Variants in NTM observed in about 807,000 individuals in gnomAD.
NTM encodes the protein neurotrimin, also known as IgLON family member 2.
NTM carries 13 observed loss-of-function variants against 42.1 expected under a neutral mutation model. The observed-to-expected ratio is 0.31, with a 90% CI of 0.20 to 0.49. The LOEUF (loss-of-function observed/expected upper bound fraction) is 0.49. Ranked by LOEUF, NTM falls within the 20% of genes least tolerant of loss-of-function variation. The pLI is 0.99. For missense variants in NTM, 373 were observed against 452.8 expected (o/e 0.82, Z 1.60); for synonymous variants, 187 against 179.2 (o/e 1.04, Z -0.35).
intron 2 of NTM, among the ~76,000 whole-genome samples, chr11:131,993,555 T>C (rs2067402611): frequency 2.0e-5 from 3 of 152,158 alleles, no homozygotes; most frequent in African/African-American, 7.2e-5. Flanking sequence ...CTAAAGATAA[T>C]GCTTTTGTAA....
chr11:131,960,572 G>A (rs969816109), intron 2 of NTM, among the ~76,000 whole-genome samples: 2 of 152,188 alleles, frequency 1.3e-5, no homozygotes, highest in Admixed American at 1.3e-4. Flanking sequence ...TAGGTTAAGG[G>A]GAATCGTGAT....
intron 1 of NTM, among the ~76,000 whole-genome samples, chr11:131,613,814 C>T (rs939637208): frequency 5.3e-5 from 8 of 152,118 alleles, no homozygotes; most frequent in Non-Finnish European, 8.8e-5. Context: ...TTATGCCCCA[C>T]TCTCCTAAAG....
At chr11:132,034,461 G>A (rs1350419161) in intron 2 of NTM, among the ~76,000 whole-genome samples, 1 of 152,198 alleles carries the variant, frequency 6.6e-6, no homozygotes, top group Non-Finnish European at 1.5e-5. Context: ...CAGGATGTTG[G>A]AGATCTGTGG....
At chr11:131,578,925 T>G (rs1017426268) in intron 1 of NTM, among the ~76,000 whole-genome samples, 1 of 152,114 alleles carries the variant, frequency 6.6e-6, no homozygotes, top group African/African-American at 2.4e-5. Flanking sequence ...CCTGGAAGCT[T>G]AGCAAGATAG....
At chr11:131,909,517 C>T (rs56117617) in intron 1 of NTM, among the ~76,000 whole-genome samples, 19,414 of 152,150 alleles carry the variant, frequency 0.13, 1,333 homozygotes, top group African/African-American at 0.15. Flanking sequence ...AGGGGAAAAA[C>T]AAAGCCACTG....
At chr11:131,554,545 CAAAAA>C (rs1178033877) in intron 1 of NTM, among the ~76,000 whole-genome samples, 102 of 106,970 alleles carry the variant, frequency 9.5e-4, no homozygotes, top group African/African-American at 2.7e-3. Flanking sequence ...CACACATCTA[CAAAAA>C]AAAAAAAAAA....
At chr11:131,824,901 A>C (rs2041948150) in intron 1 of NTM, among the ~76,000 whole-genome samples, 1 of 152,226 alleles carries the variant, frequency 6.6e-6, no homozygotes, top group African/African-American at 2.4e-5. Context: ...AAGGAAGGCC[A>C]GTACAGCTGT....
intron 4 of NTM, among the ~76,000 whole-genome samples, chr11:132,282,741 G>T (rs1394063278): frequency 6.6e-6 from 1 of 152,044 alleles, no homozygotes; most frequent in Non-Finnish European, 1.5e-5. Context: ...GTGATAAATT[G>T]AATATTTAGC....
intron 1 of NTM, among the ~76,000 whole-genome samples, chr11:131,421,755 C>A (rs1312071449): frequency 1.3e-5 from 2 of 152,190 alleles, no homozygotes; most frequent in Non-Finnish European, 1.5e-5. Flanking sequence ...TTAAGAACTA[C>A]CCACCTTAGC....
rs1491320001 is a variant in NTM at position 132,275,749 on chromosome 11, T to TATATATACGTATATATATAC, written c.527-31940_527-31939insATATATACGTATATATATAC. Among the ~76,000 whole-genome samples, 108 of 20,644 alleles carry TATATATACGTATATATATAC rather than the reference T, an allele frequency of 5.2e-3. 1 individual carries two copies. Among genetic ancestry groups the TATATATACGTATATATATAC allele is most frequent in the African/African-American group, 0.011 (52 of 4,720 alleles). The allele number at this position is 20,644 out of a possible 152,430, so 13.5% of individuals were successfully genotyped here. On this transcript the variant is annotated intron_variant, in intron 4 of 8. Coordinates refer to ENST00000683400, the MANE Select transcript of NTM (RefSeq NM_001352005.2). ...ACGTATATATACGTATATATATATG[T>TATATATACGTATATATATAC]GTATATATATATATATGTTATATAA...
chr11:131,481,896 G>T (rs750983011), intron 1 of NTM, among the ~76,000 whole-genome samples: 1 of 152,358 alleles, frequency 6.6e-6, no homozygotes, highest in Admixed American at 6.5e-5. Flanking sequence ...AGCATGTTAA[G>T]TTCCCACTAG....
intron 2 of NTM, among the ~76,000 whole-genome samples, chr11:132,065,657 G>A (rs2056363826): frequency 6.6e-6 from 1 of 152,100 alleles, no homozygotes; most frequent in Non-Finnish European, 1.5e-5. Flanking sequence ...AACTTTTCTA[G>A]CCTGGTAGTG....
chr11:132,048,695 A>G (rs2078374825), intron 2 of NTM, among the ~76,000 whole-genome samples: 1 of 152,202 alleles, frequency 6.6e-6, no homozygotes, highest in East Asian at 1.9e-4. Context: ...TGGTCTCAGC[A>G]TTCTCATTCT....
intron 1 of NTM, among the ~76,000 whole-genome samples, chr11:131,424,711 C>T: frequency 7.2e-6 from 1 of 138,510 alleles, no homozygotes; most frequent in Admixed American, 7.3e-5. Flanking sequence ...AGGCACCCAC[C>T]ACCATGCCTG....
Position 131,504,630 on chromosome 11 carries a change from G to A in NTM, c.82+133742G>A, listed in dbSNP as rs2047257578. On this transcript the variant is annotated intron_variant, in intron 1 of 8. Transcript: ENST00000683400. ...TGTGCTGCTGCTCTGTTTGTCTCTAGGCTTGTCTACCTCGACCTGCACTGC... is the reference window on the plus strand; with the variant it reads ...TGTGCTGCTGCTCTGTTTGTCTCTAAGCTTGTCTACCTCGACCTGCACTGC... Among the ~76,000 whole-genome samples, 4 of 152,104 alleles carry A rather than the reference G, an allele frequency of 2.6e-5. No homozygotes were observed. In the South Asian group the frequency reaches 8.3e-4, roughly 32 times the overall value.
At chr11:131,376,057 G>T (rs1479188360) in intron 1 of NTM, among the ~76,000 whole-genome samples, 1 of 152,056 alleles carries the variant, frequency 6.6e-6, no homozygotes, top group Non-Finnish European at 1.5e-5. Flanking sequence ...GACAGATCTA[G>T]GTCAAGCTGG....
intron 3 of NTM, among the ~76,000 whole-genome samples, chr11:132,182,029 G>T (rs1361107309): frequency 6.6e-6 from 1 of 150,430 alleles, no homozygotes; most frequent in African/African-American, 2.4e-5. Flanking sequence ...CTGGGTAGTA[G>T]CTTAAAGGAA....
chr11:132,042,249 C>A (rs968638221), intron 2 of NTM, among the ~76,000 whole-genome samples: 1 of 152,148 alleles, frequency 6.6e-6, no homozygotes, highest in Non-Finnish European at 1.5e-5. Flanking sequence ...AGCAGCCCCT[C>A]GTTCCTGTTC....
chr11:131,892,096 T>C (rs1369877), intron 1 of NTM, among the ~76,000 whole-genome samples: 7,084 of 152,028 alleles, frequency 0.047, 548 homozygotes, highest in African/African-American at 0.16. Flanking sequence ...ATGGGAACTT[T>C]GTCAGCTGCT....
Sources: gnomAD v4.1 joint callset for allele counts (sites outside exome capture counted in the v4.1 genomes callset) on GRCh38, gnomAD v4.1.1 for gene constraint, MANE v1.5 for transcripts, NCBI Gene and HGNC (gene_info 2026-07-23, HGNC 2026-07-21) for gene names.